Variants in CADPS observed in about 807,000 individuals in gnomAD.
CADPS encodes the protein calcium dependent secretion activator.
Under a neutral mutation model 167.3 loss-of-function variants are expected in CADPS, and 57 were observed. The ratio of observed to expected loss-of-function variants is 0.34; its 90% confidence interval spans 0.28 to 0.42. The LOEUF (loss-of-function observed/expected upper bound fraction) is 0.42, where lower values mean the gene tolerates loss of function less well. Ranked by LOEUF, CADPS falls within the 20% of genes least tolerant of loss-of-function variation. The pLI, the probability that CADPS is intolerant of heterozygous loss-of-function variation, is 1.00. For missense variants in CADPS, 1,414 were observed against 1,738.1 expected (o/e 0.81, Z 3.32); for synonymous variants, 676 against 635.3 (o/e 1.06, Z -0.96).
chr3:62,672,592 C>A (rs2075721238), intron 3 of CADPS, among the ~76,000 whole-genome samples: 1 of 152,104 alleles, frequency 6.6e-6, no homozygotes, highest in African/African-American at 2.4e-5. Flanking sequence ...TGCTTGGCCC[C>A]TGGTCAATGT....
intron 11 of CADPS, 126 bp downstream of exon 11, chr3:62,549,777 T>A (rs2077039486): frequency 2.7e-6 from 2 of 748,420 alleles, no homozygotes; most frequent in African/African-American, 3.5e-5. Flanking sequence ...CTGAATTCAC[T>A]ATATGTTTTC....
intron 3 of CADPS, among the ~76,000 whole-genome samples, chr3:62,665,758 G>C (rs1216869969): frequency 6.6e-6 from 1 of 152,180 alleles, no homozygotes; most frequent in Non-Finnish European, 1.5e-5. Flanking sequence ...TCCTTATCCT[G>C]GTTGTGCCAC....
At chr3:62,751,380 G>A (rs539487782) in intron 3 of CADPS, among the ~76,000 whole-genome samples, 7 of 152,206 alleles carry the variant, frequency 4.6e-5, no homozygotes, top group African/African-American at 1.2e-4. Flanking sequence ...ATCAGATTTA[G>A]ATATGAATAG....
At chr3:62,688,981 A>T (rs909172191) in intron 3 of CADPS, among the ~76,000 whole-genome samples, 2 of 152,046 alleles carry the variant, frequency 1.3e-5, no homozygotes, top group African/African-American at 4.8e-5. Flanking sequence ...CCAGAAAAAA[A>T]ATCTTTCCAG....
chr3:62,665,329 A>G (rs2074215088), intron 3 of CADPS, among the ~76,000 whole-genome samples: 1 of 152,204 alleles, frequency 6.6e-6, no homozygotes. Flanking sequence ...AAAATCACAG[A>G]GCAGTTTGGA....
chr3:62,543,605 C>T (rs1323646610), intron 11 of CADPS, among the ~76,000 whole-genome samples: 2 of 151,212 alleles, frequency 1.3e-5, no homozygotes, highest in East Asian at 3.9e-4. Flanking sequence ...GCCAGGGGTA[C>T]ATTTATGCAA....
At position 62,815,431 on chromosome 3, in the gene CADPS, G is replaced by C. The variant is rs556516610; in HGVS notation, c.442-49447C>G. On this transcript the variant is annotated intron_variant, in intron 1 of 29. Coordinates refer to ENST00000383710, the MANE Select transcript of CADPS (RefSeq NM_003716.4). ...AATCAGGATAATGGTGACCAGGGGT[G>C]GGGGAGAAGTGACTGGCAGGGGGCA... Among the ~76,000 whole-genome samples, 15 of 152,156 alleles carry C rather than the reference G, an allele frequency of 9.9e-5. 1 individual carries two copies. The South Asian group carries it at 1.7e-3, about 17-fold the overall frequency.
chr3:62,691,571 A>G (rs1450819761), intron 3 of CADPS, among the ~76,000 whole-genome samples: 1 of 152,098 alleles, frequency 6.6e-6, no homozygotes, highest in Non-Finnish European at 1.5e-5. Flanking sequence ...CTGAGTTAAA[A>G]TAGTGAATAA....
chr3:62,689,000 T>C lies in CADPS; in HGVS notation c.889-26606A>G, dbSNP rs142939526. Among the ~76,000 whole-genome samples the C allele has an allele frequency of 1.2e-3, 189 of 152,168 alleles. 1 individual carries two copies. The highest frequency in any genetic ancestry group is 4.1e-3 in the African/African-American group (171 of 41,506). ...AAAAAAAATCTTTCCAGCGTGTGAA[T>C]AGGAATAACAGTGTGATAAATGATG... On this transcript the variant is annotated intron_variant, in intron 3 of 29. Coordinates refer to ENST00000383710, the MANE Select transcript of CADPS (RefSeq NM_003716.4).
intron 3 of CADPS, among the ~76,000 whole-genome samples, chr3:62,720,964 T>C (rs2918038): frequency 0.29 from 44,087 of 150,944 alleles, 6,747 homozygotes; most frequent in African/African-American, 0.38. Context: ...ACTACAGGTG[T>C]CCACCACCAC....
intron 17 of CADPS, among the ~76,000 whole-genome samples, 164 bp downstream of exon 17, chr3:62,512,587 C>T (rs1229926595): frequency 6.6e-6 from 1 of 152,092 alleles, no homozygotes. Flanking sequence ...ATCAAATGGG[C>T]ATGAGATGTA....
chr3:62,561,073 C>A (rs185874237), intron 9 of CADPS, among the ~76,000 whole-genome samples: 2,994 of 67,918 alleles, frequency 0.044, 50 homozygotes, highest in African/African-American at 0.092. Flanking sequence ...AGCGAAACTC[C>A]ATCTCAAAAA....
chr3:62,552,914 G>A (rs937272930), intron 10 of CADPS, among the ~76,000 whole-genome samples: 2 of 152,174 alleles, frequency 1.3e-5, no homozygotes, highest in African/African-American at 4.8e-5. Context: ...ATGATGTGTA[G>A]TTAGCAAGCT....
At position 62,836,768 on chromosome 3, in the gene CADPS, A is replaced by G. The variant is rs549213028; in HGVS notation, c.441+37821T>C. ...GAAGCTTCTGAAGAATTTTAAACCAATAAGATTGGGCTTTGAGACCAATCC... is the reference window on the plus strand; with the variant it reads ...GAAGCTTCTGAAGAATTTTAAACCAGTAAGATTGGGCTTTGAGACCAATCC... On this transcript the variant is annotated intron_variant, in intron 1 of 29. Coordinates refer to ENST00000383710, the MANE Select transcript of CADPS (RefSeq NM_003716.4). 3.3e-5 allele frequency among the ~76,000 whole-genome samples: 5 copies of G among 152,284 alleles called. No homozygotes were observed. In the South Asian group the frequency reaches 6.2e-4, roughly 19 times the overall value.
intron 6 of CADPS, among the ~76,000 whole-genome samples, chr3:62,613,591 C>T (rs555683014): frequency 1.4e-4 from 21 of 152,264 alleles, no homozygotes; most frequent in Non-Finnish European, 2.5e-4. Flanking sequence ...CAAAGAGCAT[C>T]ATGAATGGTT....
chr3:62,713,123 C>A (rs1306188506), intron 3 of CADPS, among the ~76,000 whole-genome samples: 1 of 152,122 alleles, frequency 6.6e-6, no homozygotes, highest in Non-Finnish European at 1.5e-5. Context: ...TTACCAAATG[C>A]CAGATATTGT....
At chr3:62,554,987 A>G (rs915447118) in intron 10 of CADPS, among the ~76,000 whole-genome samples, 1 of 152,100 alleles carries the variant, frequency 6.6e-6, no homozygotes, top group African/African-American at 2.4e-5. Flanking sequence ...CCCTGACCTC[A>G]AGTGATCTGC....
rs577797203 is a variant in CADPS at position 62,399,728 on chromosome 3, G to A, written c.3883-143C>T. ...GCATTGTCAAATAAAAAGCCACTGT[G>A]CTTAGATTTCACTTGTATTGAAAAC... On this transcript the variant is annotated intron_variant, in intron 29 of 29. Transcript: ENST00000383710. The surrounding 1 kb of genome is among the most constrained non-coding windows in gnomAD (Gnocchi z 5.6). 31 of 631,762 alleles carry A rather than the reference G, an allele frequency of 4.9e-5. No homozygotes were observed. In the South Asian group the frequency reaches 6.2e-4, roughly 13 times the overall value. The allele number at this position is 631,762 out of a possible 1,614,324, so 39.1% of individuals were successfully genotyped here. A position where few individuals can be genotyped will look rare whatever the true frequency, so the allele number is the denominator to read the frequency against.
chr3:62,784,466 C>T (rs562202946), intron 1 of CADPS, among the ~76,000 whole-genome samples: 1 of 152,114 alleles, frequency 6.6e-6, no homozygotes, highest in Admixed American at 6.6e-5. Context: ...CCTGTTGCAA[C>T]TCCCAATAAA....
Sources: gnomAD v4.1 joint callset for allele counts (sites outside exome capture counted in the v4.1 genomes callset) on GRCh38, gnomAD v4.1.1 for gene constraint, Gnocchi (gnomAD v3.1) non-coding constraint, MANE v1.5 for transcripts, NCBI Gene and HGNC (gene_info 2026-07-23, HGNC 2026-07-21) for gene names.